The following TNIK variants were observed in gnomAD, a reference collection of about 807,000 sequenced individuals.
The protein encoded by TNIK is TRAF2 and NCK-interacting protein kinase.
TNIK carries 49 observed loss-of-function variants against 191.3 expected under a neutral mutation model. That is an observed-to-expected ratio of 0.26 (90% confidence interval 0.20 to 0.32). The LOEUF is 0.32. Among genes scored for constraint, TNIK ranks in the 10% least tolerant of loss-of-function variants. The pLI, the probability that TNIK is intolerant of heterozygous loss-of-function variation, is 1.00. For missense variants in TNIK, 1,155 were observed against 1,702.3 expected, an observed-to-expected ratio of 0.68 and a Z score of 5.66; for synonymous variants, 594 against 600.9, an observed-to-expected ratio of 0.99 and a Z score of 0.17.
intron 2 of TNIK, among the ~76,000 whole-genome samples, chr3:171,276,359 T>C (rs1229066814): frequency 2.0e-5 from 3 of 151,948 alleles, no homozygotes; most frequent in Admixed American, 6.6e-5. Flanking sequence ...GCATCAAGCC[T>C]AGGGAGCAGA....
intron 2 of TNIK, among the ~76,000 whole-genome samples, chr3:171,230,415 T>C (rs1441932557): frequency 6.6e-6 from 1 of 152,178 alleles, no homozygotes; most frequent in Non-Finnish European, 1.5e-5. Context: ...TCTGATATTA[T>C]ATAGCTGATT....
intron 1 of TNIK, among the ~76,000 whole-genome samples, chr3:171,396,938 G>T (rs1432896536): frequency 6.6e-6 from 1 of 152,162 alleles, no homozygotes; most frequent in African/African-American, 2.4e-5. Context: ...AAATATCAAT[G>T]CATTAGGTAC....
chr3:171,064,714 A>C (rs1718205470), intron 32 of TNIK, among the ~76,000 whole-genome samples: 1 of 152,198 alleles, frequency 6.6e-6, no homozygotes, highest in South Asian at 2.1e-4. Flanking sequence ...TGAATGTTTA[A>C]TGTTAAAGAA....
intron 1 of TNIK, among the ~76,000 whole-genome samples, chr3:171,434,460 TTTA>T (rs1306444074): frequency 6.7e-6 from 1 of 150,254 alleles, no homozygotes; most frequent in African/African-American, 2.5e-5. Context: ...TATTTATTTA[TTTA>T]TTTATTTTTT....
intron 2 of TNIK, among the ~76,000 whole-genome samples, chr3:171,237,751 G>A (rs544251022): frequency 7.9e-5 from 12 of 152,144 alleles, no homozygotes; most frequent in Middle Eastern, 6.8e-3. Context: ...GTGAGACCCC[G>A]TCTCTATAAA....
At chr3:171,431,054 G>T (rs952641122) in intron 1 of TNIK, among the ~76,000 whole-genome samples, 1 of 152,026 alleles carries the variant, frequency 6.6e-6, no homozygotes, top group Admixed American at 6.6e-5. Flanking sequence ...TCATAGGTCC[G>T]TCCTGCTTGT....
intron 2 of TNIK, among the ~76,000 whole-genome samples, chr3:171,319,712 G>A (rs1754987890): frequency 1.3e-5 from 2 of 152,062 alleles, no homozygotes; most frequent in African/African-American, 2.4e-5. Context: ...CGTTTCTCAA[G>A]GCATTCAACC....
At chr3:171,105,009 A>G (rs886183238) in intron 21 of TNIK, among the ~76,000 whole-genome samples, 5 of 152,206 alleles carry the variant, frequency 3.3e-5, no homozygotes, top group Admixed American at 2.6e-4. Context: ...ACTATATTAA[A>G]TAGACTATGC....
intron 12 of TNIK, among the ~76,000 whole-genome samples, chr3:171,150,811 G>A (rs774865855): frequency 3.3e-5 from 5 of 152,074 alleles, no homozygotes; most frequent in Non-Finnish European, 7.4e-5. Context: ...AAGACATAAC[G>A]AAAATGTGCT....
At position 171,376,007 on chromosome 3, in the gene TNIK, G is replaced by C. The variant is rs554573205; in HGVS notation, c.58-6322C>G. ...TGCTCCCAGAATGACTGCTACCCCC[G>C]GATTCCCTATTGACATCTGCCAAAC... On this transcript the variant is annotated intron_variant, in intron 1 of 32. Coordinates refer to ENST00000436636, the MANE Select transcript of TNIK (RefSeq NM_015028.4). Among the ~76,000 whole-genome samples the C allele has an allele frequency of 2.6e-5, 4 of 152,184 alleles. No individual in the cohort carries two copies. The South Asian group carries it at 6.2e-4, about 24-fold the overall frequency.
chr3:171,378,587 C>T (rs1414726480), intron 1 of TNIK, among the ~76,000 whole-genome samples: 2 of 152,120 alleles, frequency 1.3e-5, no homozygotes, highest in African/African-American at 2.4e-5. Context: ...TGCAGTATCT[C>T]CAATACCTCG....
intron 1 of TNIK, among the ~76,000 whole-genome samples, chr3:171,422,758 A>T (rs1723995416): frequency 6.6e-6 from 1 of 152,192 alleles, no homozygotes; most frequent in African/African-American, 2.4e-5. Flanking sequence ...TCAACCAAAC[A>T]TTCTCTTCAT....
At chr3:171,270,076 A>G (rs934749001) in intron 2 of TNIK, among the ~76,000 whole-genome samples, 1 of 152,062 alleles carries the variant, frequency 6.6e-6, no homozygotes, top group Admixed American at 6.6e-5. Flanking sequence ...ACATTTACAC[A>G]CTTACTTTGA....
intron 1 of TNIK, among the ~76,000 whole-genome samples, chr3:171,421,714 T>A (rs1046295321): frequency 6.7e-6 from 1 of 150,054 alleles, no homozygotes; most frequent in African/African-American, 2.5e-5. Flanking sequence ...TGCTCCTGAT[T>A]AGTTGTGTAA....
chr3:171,433,382 G>A (rs1387875803), intron 1 of TNIK, among the ~76,000 whole-genome samples: 1 of 151,958 alleles, frequency 6.6e-6, no homozygotes, highest in African/African-American at 2.4e-5. Context: ...ACAAATTATA[G>A]AAAGAAAAGG....
chr3:171,347,354 G>C (rs2108425741), intron 2 of TNIK: 1 of 845,066 alleles, frequency 1.2e-6, no homozygotes, highest in Admixed American at 2.6e-5. Flanking sequence ...CAAGTCCTAA[G>C]TGCCTGCAGA....
intron 10 of TNIK, among the ~76,000 whole-genome samples, chr3:171,161,714 C>T (rs1051297512): frequency 1.1e-4 from 17 of 151,574 alleles, no homozygotes; most frequent in Admixed American, 5.9e-4. Context: ...GTCAGGAGAT[C>T]GAGACCATCC....
intron 2 of TNIK, among the ~76,000 whole-genome samples, chr3:171,295,534 G>C (rs984674130): frequency 6.6e-6 from 1 of 152,166 alleles, no homozygotes; most frequent in Admixed American, 6.5e-5. Flanking sequence ...CAGCAGCTTT[G>C]TAATCACAAT....
intron 2 of TNIK, among the ~76,000 whole-genome samples, chr3:171,274,727 C>G (rs1457909981): frequency 6.6e-6 from 1 of 151,584 alleles, no homozygotes; most frequent in South Asian, 2.1e-4. Flanking sequence ...ACAAGTTGAT[C>G]TTGATCTTCT....
Sources: gnomAD v4.1 joint callset for allele counts (sites outside exome capture counted in the v4.1 genomes callset) on GRCh38, gnomAD v4.1.1 for gene constraint, MANE v1.5 for transcripts, NCBI Gene and HGNC (gene_info 2026-07-23, HGNC 2026-07-21) for gene names.